LRCH3: variants seen among roughly 807,000 people sequenced by gnomAD.
LRCH3 encodes leucine rich repeats and calponin homology domain containing 3.
In LRCH3, 68 loss-of-function variants were observed where a neutral mutation model predicts 104.5. The ratio of observed to expected loss-of-function variants is 0.65; its 90% CI spans 0.54 to 0.80. The LOEUF (loss-of-function observed/expected upper bound fraction) is 0.80, where lower values mean the gene tolerates loss of function less well. Ranked by LOEUF, LRCH3 falls within the 30% of genes least tolerant of loss-of-function variation. The pLI, the probability that LRCH3 is intolerant of heterozygous loss-of-function variation, is 0.00. For synonymous variants in LRCH3, 344 were observed against 361.3 expected (o/e 0.95, Z 0.54); for missense variants, 951 against 953.9 (o/e 1.00, Z 0.04).
chr3:197,839,263 T>A, intron 9 of LRCH3, 58 bp from the exon 10 acceptor site: 1 of 1,089,748 alleles, frequency 9.2e-7, no homozygotes, highest in South Asian at 1.5e-5. Flanking sequence ...GTGAACTGTG[T>A]AATCGCAGTG....
chr3:197,822,111 T>C (rs1012445641), intron 4 of LRCH3, among the ~76,000 whole-genome samples: 8 of 152,246 alleles, frequency 5.3e-5, no homozygotes, highest in African/African-American at 1.9e-4. Context: ...AGTAAATGTG[T>C]AAGAACGTGA....
At chr3:197,797,379 A>G (rs943403346) in intron 1 of LRCH3, among the ~76,000 whole-genome samples, 33 of 146,530 alleles carry the variant, frequency 2.3e-4, no homozygotes, top group Non-Finnish European at 4.1e-4. Context: ...AGGCTATGGA[A>G]TAAATTCAAG....
At position 197,843,827 on chromosome 3, in the gene LRCH3, GCT is replaced by G. The variant is rs1738191758; in HGVS notation, c.1329-3581_1329-3580del. Among the ~76,000 whole-genome samples the G allele has an allele frequency of 1.3e-5, 2 of 152,212 alleles. 1 individual carries two copies. Among genetic ancestry groups the G allele is most frequent in the South Asian group, 4.1e-4 (2 of 4,830 alleles). On this transcript the variant is annotated intron_variant, in intron 10 of 20. Transcript: ENST00000425562. ...ATTCCACACTTTTTCGGGAGAGGGT[GCT>G]ACTGTCATTCATTCAAGCAATATTT...
At chr3:197,794,988 GA>G (rs1731028420) in intron 1 of LRCH3, among the ~76,000 whole-genome samples, 1 of 151,820 alleles carries the variant, frequency 6.6e-6, no homozygotes, top group Non-Finnish European at 1.5e-5. Flanking sequence ...CTGGGTGACA[GA>G]GTAAGTGCTG....
At chr3:197,815,294 A>G (rs1478591260) in intron 2 of LRCH3, among the ~76,000 whole-genome samples, 1 of 152,204 alleles carries the variant, frequency 6.6e-6, no homozygotes, top group Non-Finnish European at 1.5e-5. Context: ...AAACCCATCT[A>G]AGTTGAAAAT....
At chr3:197,828,482 A>G (rs1301878402) in intron 5 of LRCH3, among the ~76,000 whole-genome samples, 2 of 151,452 alleles carry the variant, frequency 1.3e-5, no homozygotes, top group African/African-American at 4.9e-5. Context: ...AGTAGCTGGG[A>G]GTACAGGTGC....
intron 15 of LRCH3, 22 bp downstream of exon 15, chr3:197,858,927 C>G (rs1156687585): frequency 2.4e-5 from 38 of 1,600,062 alleles, no homozygotes; most frequent in Non-Finnish European, 3.2e-5. Flanking sequence ...TATTGTAATT[C>G]ACCAGGAAGT....
rs1737677386 is a variant in LRCH3, at chr3:197,840,709, A to AGC, written c.1328+1312_1328+1313insGC. Reference sequence around the variant, plus strand: ...GGGGACTGAGCTATAGATGGAATAAATGTGTAGGGAGAAAAAAGACAGACA... The same window carrying AGC: ...GGGGACTGAGCTATAGATGGAATAAAGCTGTGTAGGGAGAAAAAAGACAGACA... On this transcript the variant is annotated intron_variant, in intron 10 of 20. Transcript: ENST00000425562. 3.7e-5 allele frequency among the ~76,000 whole-genome samples: 5 copies of AGC among 136,168 alleles called. No individual in the cohort carries two copies. The Admixed American group carries it at 3.9e-4, about 11-fold the overall frequency. The allele number at this position is 136,168 out of a possible 152,430, so 89.3% of individuals were successfully genotyped here. A position where few individuals can be genotyped will look rare whatever the true frequency, so the allele number is the denominator to read the frequency against.
At position 197,888,373 on chromosome 3, in the gene LRCH3, C is replaced by T. The variant is rs1714399166; in HGVS notation, c.*4707C>T. The stretch of plus-strand genomic sequence containing the variant: ...TATCATGTATGTTATTTTAAATTGC[C>T]TGTACGCCACTTTACACATTGACAT... On this transcript the variant is annotated 3_prime_UTR_variant, in exon 21 of 21. Transcript: ENST00000425562. 1 of 152,090 alleles carries T rather than the reference C, an allele frequency of 6.6e-6. No homozygotes were observed. Among genetic ancestry groups the T allele is most frequent in the South Asian group, 2.1e-4 (1 of 4,830 alleles). The allele number at this position is 152,090 out of a possible 1,614,324, so 9.4% of individuals were successfully genotyped here.
intron 10 of LRCH3, among the ~76,000 whole-genome samples, chr3:197,846,273 C>T (rs1409933303): frequency 1.3e-5 from 2 of 151,342 alleles, no homozygotes; most frequent in African/African-American, 4.9e-5. Flanking sequence ...GGTTGGTTGA[C>T]ACACACCTGT....
rs775145397 is a variant in LRCH3 at position 197,832,184 on chromosome 3, C to T, written c.982-13C>T. Reference sequence around the variant, plus strand: ...AAAATGATTGTTTTTAATGTTTCTGCTTCTTTTTTAAGCCTACAGATGAAT... The same window carrying T: ...AAAATGATTGTTTTTAATGTTTCTGTTTCTTTTTTAAGCCTACAGATGAAT... On this transcript the variant is annotated splice_polypyrimidine_tract_variant and intron_variant, in intron 7 of 20. Transcript: ENST00000425562. The T allele has an allele frequency of 6.2e-6, 10 of 1,608,164 alleles. No individual in the cohort carries two copies. The highest frequency in any genetic ancestry group is 8.5e-6 in the Non-Finnish European group (10 of 1,176,050).
chr3:197,839,279 G>A (rs775180436), intron 9 of LRCH3, 42 bp from the exon 10 acceptor site: 2 of 1,347,588 alleles, frequency 1.5e-6, no homozygotes, highest in African/African-American at 1.5e-5. Flanking sequence ...CAGTGTTCTG[G>A]ATTAATATAC....
At chr3:197,822,804 G>A (rs1018210142) in intron 4 of LRCH3, 24 of 149,934 alleles carry the variant, frequency 1.6e-4, no homozygotes, top group African/African-American at 5.1e-4. Flanking sequence ...AAAATATTAA[G>A]AATCTTTTTT....
Position 197,883,733 on chromosome 3 carries a change from C to A in LRCH3, c.*67C>A. 6.8e-7 allele frequency: 1 copy of A among 1,468,052 alleles called. No individual in the cohort carries two copies. Among genetic ancestry groups the A allele is most frequent in the Non-Finnish European group, 9.1e-7 (1 of 1,104,888 alleles). 90.9% of individuals were successfully genotyped at this position (1,468,052 alleles called of 1,614,324 possible). On this transcript the variant is annotated 3_prime_UTR_variant, in exon 21 of 21. Coordinates refer to ENST00000425562, the MANE Select transcript of LRCH3 (RefSeq NM_001365715.1). The surrounding 1 kb of genome is among the most constrained non-coding windows in gnomAD (Gnocchi z 4.2). ...AACAGGACACCGTGATTGCTGCTGC[C>A]AGCTGTCTGCTTAAACAAAGCTCTT... is the stretch of plus-strand genomic sequence containing the variant.
At chr3:197,791,234 C>T (rs774229320), upstream of LRCH3, 2 of 1,592,852 alleles carry the variant, frequency 1.3e-6, no homozygotes, top group Admixed American at 1.8e-5. Context: ...GCGGTCCGGC[C>T]GCGCATGCGC....
At chr3:197,814,115 G>A (rs138592747) in intron 1 of LRCH3, among the ~76,000 whole-genome samples, 12 of 152,236 alleles carry the variant, frequency 7.9e-5, no homozygotes, top group Non-Finnish European at 1.6e-4. Flanking sequence ...TGCTGATAAA[G>A]ACAGACGTGA....
rs1202774397 is a variant in LRCH3 at position 197,871,418 on chromosome 3, C to T, written c.2086C>T (p.Arg696Ter). ...TCTTTGCCATTTGGCCAATCATGTG[C>T]GACCTCGATCTGTCCCAAGCATTCA... ...VVLCHLANHVRPRSVPSIHVP... is the reference protein window; with the variant it reads ...VVLCHLANHV Residue 696 changes from arginine (R) to a stop codon, truncating the protein, a stop_gained, in exon 19 of 21, where the codon CGA (arginine) becomes TGA (stop). Coordinates refer to ENST00000425562, the MANE Select transcript of LRCH3 (RefSeq NM_001365715.1). LOFTEE classifies it high-confidence loss of function. The T allele has an allele frequency of 1.9e-6, 3 of 1,614,014 alleles. No homozygotes were observed. Among genetic ancestry groups the T allele is most frequent in the East Asian group, 2.2e-5 (1 of 44,884 alleles).
intron 1 of LRCH3, among the ~76,000 whole-genome samples, chr3:197,795,509 A>G (rs1344298330): frequency 6.6e-6 from 1 of 152,054 alleles, no homozygotes; most frequent in African/African-American, 2.4e-5. Context: ...AGACAATAGG[A>G]TGTTAGCCTG....
At chr3:197,844,903 G>C (rs187430568) in intron 10 of LRCH3, among the ~76,000 whole-genome samples, 2 of 152,132 alleles carry the variant, frequency 1.3e-5, no homozygotes, top group Non-Finnish European at 2.9e-5. Context: ...GATTACAGGC[G>C]GGAGCCACTG....
Sources: gnomAD v4.1 joint callset for allele counts (sites outside exome capture counted in the v4.1 genomes callset) on GRCh38, gnomAD v4.1.1 for gene constraint, Gnocchi (gnomAD v3.1) non-coding constraint, MANE v1.5 for transcripts, NCBI Gene and HGNC (gene_info 2026-07-23, HGNC 2026-07-21) for gene names.